The following ZCWPW2 variants were observed in gnomAD, a reference collection of about 807,000 sequenced individuals.
ZCWPW2 encodes zinc finger CW-type PWWP domain protein 2.
In ZCWPW2, 45 loss-of-function variants were observed where a neutral mutation model predicts 46.6. That is an observed-to-expected ratio of 0.96 (90% confidence interval 0.76 to 1.24). ZCWPW2 has a LOEUF of 1.24. ZCWPW2 is among the 50% of genes most tolerant of loss of function. The pLI is 0.00. For synonymous variants in ZCWPW2, 152 were observed against 137.1 expected (o/e 1.11, Z -0.76); for missense variants, 429 against 403.9 (o/e 1.06, Z -0.53).
intron 4 of ZCWPW2, among the ~76,000 whole-genome samples, chr3:28,476,929 G>A (rs1463574279): frequency 6.6e-6 from 1 of 152,074 alleles, no homozygotes; most frequent in African/African-American, 2.4e-5. Context: ...GACAGGAGGT[G>A]GAGCTCAGGC....
At chr3:28,441,136 G>A (rs1188958159) in intron 4 of ZCWPW2, among the ~76,000 whole-genome samples, 1 of 152,184 alleles carries the variant, frequency 6.6e-6, no homozygotes, top group East Asian at 1.9e-4. Flanking sequence ...GCTGAGTGGT[G>A]TCCACAGAAC....
chr3:28,385,210 A>T (rs912703877), intron 1 of ZCWPW2, among the ~76,000 whole-genome samples: 6 of 152,176 alleles, frequency 3.9e-5, no homozygotes, highest in Non-Finnish European at 5.9e-5. Flanking sequence ...ACAGTATTTA[A>T]TTTACTGGAG....
intron 4 of ZCWPW2, among the ~76,000 whole-genome samples, chr3:28,435,533 T>C (rs1697447182): frequency 6.7e-6 from 1 of 149,616 alleles, no homozygotes; most frequent in African/African-American, 2.5e-5. Context: ...TCACCCAGGC[T>C]GGAGTGCAAT....
chr3:28,430,397 CT>C lies in ZCWPW2; in HGVS notation c.333-4711del, dbSNP rs569208385. 2.5e-3 allele frequency among the ~76,000 whole-genome samples: 387 copies of C among 152,348 alleles called. 1 individual carries two copies. Among genetic ancestry groups the C allele is most frequent in the African/African-American group, 8.4e-3 (351 of 41,586 alleles). ...TGGAATGAGTGTATTTACACAATGCCTTGTACTCACATGGTATCTAAGAATT... is the reference window on the plus strand; with the variant it reads ...TGGAATGAGTGTATTTACACAATGCCTGTACTCACATGGTATCTAAGAATT... On this transcript the variant is annotated intron_variant, in intron 3 of 9. Transcript: ENST00000383768.
intron 8 of ZCWPW2, 103 bp from the exon 9 acceptor site, chr3:28,520,889 T>C: frequency 7.4e-7 from 1 of 1,360,340 alleles, no homozygotes; most frequent in Non-Finnish European, 1.0e-6. Flanking sequence ...TATTTTACCT[T>C]GTAGCATTTA....
intron 2 of ZCWPW2, among the ~76,000 whole-genome samples, chr3:28,404,289 A>C (rs1378586055): frequency 6.6e-6 from 1 of 152,240 alleles, no homozygotes; most frequent in Non-Finnish European, 1.5e-5. Context: ...GCTCAACATC[A>C]TGAATAATCA....
chr3:28,508,922 A>T (rs1224260606), intron 6 of ZCWPW2, among the ~76,000 whole-genome samples: 2 of 152,016 alleles, frequency 1.3e-5, no homozygotes, highest in African/African-American at 4.8e-5. Flanking sequence ...TAAATGTACA[A>T]TTCAGTTTTT....
intron 1 of ZCWPW2, among the ~76,000 whole-genome samples, chr3:28,370,164 C>A (rs1265341325): frequency 1.3e-5 from 2 of 152,170 alleles, no homozygotes; most frequent in Admixed American, 6.5e-5. Context: ...ACCCACTGTC[C>A]TGCACCCACT....
intron 2 of ZCWPW2, among the ~76,000 whole-genome samples, chr3:28,397,559 A>T (rs953728426): frequency 6.6e-6 from 1 of 151,934 alleles, no homozygotes; most frequent in African/African-American, 2.4e-5. Context: ...AGTCTCAGCT[A>T]CTTGGGAGGC....
intron 3 of ZCWPW2, among the ~76,000 whole-genome samples, chr3:28,433,763 A>C (rs201161981): frequency 0.024 from 3,433 of 143,508 alleles, 74 homozygotes; most frequent in South Asian, 0.085. Context: ...CTTAAAAAAA[A>C]AAAAAACAAA....
chr3:28,404,459 A>G (rs1696077465), intron 2 of ZCWPW2, among the ~76,000 whole-genome samples: 1 of 152,190 alleles, frequency 6.6e-6, no homozygotes, highest in Non-Finnish European at 1.5e-5. Context: ...TGTGGAAAAC[A>G]GTGTGGAGAT....
rs563375006 is a variant in ZCWPW2, at chr3:28,488,723, T to A, written c.611-3404T>A. Among the ~76,000 whole-genome samples the A allele has an allele frequency of 7.9e-5, 12 of 152,312 alleles. No homozygotes were observed. The South Asian group carries it at 1.2e-3, about 16-fold the overall frequency. ...TTGCACTTTAAAAATATGACTTGGA[T>A]ATAGCTCAAAGGAGGAGTGAAGGCC... On this transcript the variant is annotated intron_variant, in intron 5 of 9. Transcript: ENST00000383768.
intron 6 of ZCWPW2, among the ~76,000 whole-genome samples, chr3:28,496,773 A>G (rs968253379): frequency 1.3e-5 from 2 of 151,800 alleles, no homozygotes; most frequent in Admixed American, 6.6e-5. Flanking sequence ...CACTACATAC[A>G]TGTTGTTTCA....
At chr3:28,488,442 C>A (rs1287923673) in intron 5 of ZCWPW2, among the ~76,000 whole-genome samples, 6 of 152,182 alleles carry the variant, frequency 3.9e-5, no homozygotes, top group Non-Finnish European at 5.9e-5. Context: ...AGAAACTGGA[C>A]TGTCCTCTAT....
At chr3:28,400,205 C>A (rs1482748923) in intron 2 of ZCWPW2, among the ~76,000 whole-genome samples, 4 of 152,146 alleles carry the variant, frequency 2.6e-5, no homozygotes, top group African/African-American at 9.6e-5. Flanking sequence ...AAGACAAGGT[C>A]TTTGGATTAA....
intron 2 of ZCWPW2, among the ~76,000 whole-genome samples, chr3:28,408,936 T>C (rs138508215): frequency 6.6e-6 from 1 of 152,178 alleles, no homozygotes; most frequent in East Asian, 1.9e-4. Context: ...AGAAATAGAT[T>C]CATATGCACA....
chr3:28,395,612 G>A (rs1695662806), intron 2 of ZCWPW2, among the ~76,000 whole-genome samples: 1 of 152,080 alleles, frequency 6.6e-6, no homozygotes. Flanking sequence ...TGACAGCTGA[G>A]TAAGCCTGGG....
In ZCWPW2 at chr3:28,515,569, A is replaced by G. The variant is rs1322634490; in HGVS notation, c.732A>G (p.Lys244=). 1.2e-6 allele frequency: 2 copies of G among 1,611,240 alleles called. No homozygotes were observed. Among genetic ancestry groups the G allele is most frequent in the Admixed American group, 3.3e-5 (2 of 59,802 alleles). Residue 244 remains lysine (K), a synonymous_variant, in exon 8 of 10, where the codon AAA becomes AAG. Coordinates refer to ENST00000383768, the MANE Select transcript of ZCWPW2 (RefSeq NM_001040432.4). Reference sequence around the variant, plus strand: ...CTTTTTCTAGGAAAGCAATTTTAAAATGCTCTTTTGAAAATGTTTATTCTG... The same window carrying G: ...CTTTTTCTAGGAAAGCAATTTTAAAGTGCTCTTTTGAAAATGTTTATTCTG... ...FRKRKRKAIL[K]CSFENVYSDD...
intron 3 of ZCWPW2, among the ~76,000 whole-genome samples, chr3:28,420,292 C>G (rs1330361337): frequency 3.9e-5 from 6 of 152,020 alleles, no homozygotes; most frequent in Non-Finnish European, 7.4e-5. Flanking sequence ...ATAAATTTCC[C>G]TCTACACACT....
Sources: gnomAD v4.1 joint callset for allele counts (sites outside exome capture counted in the v4.1 genomes callset) on GRCh38, gnomAD v4.1.1 for gene constraint, MANE v1.5 for transcripts, NCBI Gene and HGNC (gene_info 2026-07-23, HGNC 2026-07-21) for gene names.